The following PTPRD variants were observed in gnomAD, a reference collection of about 807,000 sequenced individuals.
PTPRD encodes receptor-type tyrosine-protein phosphatase delta.
A neutral mutation model predicts 214.5 loss-of-function variants in PTPRD; 34 were observed. That is an observed-to-expected ratio of 0.16 (90% CI 0.12 to 0.21). PTPRD has a LOEUF of 0.21. Among genes scored for constraint, PTPRD ranks in the 10% least tolerant of loss-of-function variants. The probability of loss-of-function intolerance (pLI) is 1.00; values close to 1 mark genes in which losing one functional copy is unlikely to be tolerated. For synonymous variants in PTPRD, 1,128 were observed against 845.7 expected (o/e 1.33, Z -5.79); for missense variants, 2,545 against 2,398.7 (o/e 1.06, Z -1.27).
intron 9 of PTPRD, among the ~76,000 whole-genome samples, chr9:9,339,337 T>A (rs375629169): frequency 7.2e-4 from 102 of 141,434 alleles, no homozygotes; most frequent in African/African-American, 2.7e-3. Context: ...AAAAAAAAAA[T>A]TAGCCAGGCA....
chr9:10,251,127 C>T (rs2092720940), intron 3 of PTPRD, among the ~76,000 whole-genome samples: 1 of 151,968 alleles, frequency 6.6e-6, no homozygotes, highest in Admixed American at 6.6e-5. Flanking sequence ...AACAGAAAAA[C>T]AAAACATCCT....
At chr9:9,488,042 T>G (rs1163224770) in intron 8 of PTPRD, among the ~76,000 whole-genome samples, 1 of 152,218 alleles carries the variant, frequency 6.6e-6, no homozygotes. Context: ...TAGACTTTCC[T>G]GGATTGTTAT....
rs553216652 is a variant in PTPRD, at chr9:10,324,656, T to C, written c.-545+16307A>G. ...CTATATTTCACCAAATGCAGCGCAT[T>C]TTCTGATAGAATCTGCTGTGATCTA... On this transcript the variant is annotated intron_variant, in intron 3 of 45. Coordinates refer to ENST00000381196, the MANE Select transcript of PTPRD (RefSeq NM_002839.4). Among the ~76,000 whole-genome samples, 6 of 152,132 alleles carry C rather than the reference T, an allele frequency of 3.9e-5. No individual in the cohort carries two copies. The East Asian group carries it at 1.2e-3, about 30-fold the overall frequency.
intron 10 of PTPRD, among the ~76,000 whole-genome samples, chr9:9,123,369 T>A (rs980962590): frequency 6.6e-6 from 1 of 152,150 alleles, no homozygotes; most frequent in African/African-American, 2.4e-5. Context: ...TTAGGCATGA[T>A]ATAAAAAGAG....
intron 9 of PTPRD, among the ~76,000 whole-genome samples, chr9:9,316,596 G>A (rs1963286939): frequency 6.6e-6 from 1 of 152,114 alleles, no homozygotes; most frequent in Non-Finnish European, 1.5e-5. Flanking sequence ...ATGGGCTTTT[G>A]TAGGGGAAGA....
At chr9:10,271,061 G>T (rs2094390855) in intron 3 of PTPRD, among the ~76,000 whole-genome samples, 1 of 152,042 alleles carries the variant, frequency 6.6e-6, no homozygotes, top group Admixed American at 6.6e-5. Flanking sequence ...CTGGCCTCAA[G>T]TGATCTTTTG....
rs114719195 is a variant in PTPRD, at chr9:10,487,367, C to T, written c.-600+125031G>A. Among the ~76,000 whole-genome samples the T allele has an allele frequency of 4.8e-3, 729 of 152,262 alleles. 9 individuals are homozygous for T. The highest frequency in any genetic ancestry group is 0.015 in the African/African-American group (636 of 41,556). ...TTTTCTGTTTGTTTTCTGATCTTCT[C>T]TTCCTTCTTTCTTCCCTTCCTGTCT... is the stretch of plus-strand genomic sequence containing the variant. On this transcript the variant is annotated intron_variant, in intron 2 of 45. Transcript: ENST00000381196.
intron 12 of PTPRD, among the ~76,000 whole-genome samples, chr9:8,707,585 C>G (rs985816747): frequency 6.6e-6 from 1 of 152,158 alleles, no homozygotes; most frequent in African/African-American, 2.4e-5. Context: ...AAGAAGCAGG[C>G]AGTTAGGGAG....
intron 12 of PTPRD, among the ~76,000 whole-genome samples, chr9:8,645,481 A>C (rs77963583): frequency 0.11 from 17,203 of 152,172 alleles, 1,025 homozygotes; most frequent in East Asian, 0.19. Context: ...ATTTCTATGC[A>C]TGTCTATACC....
intron 2 of PTPRD, among the ~76,000 whole-genome samples, chr9:10,427,482 A>G (rs945205191): frequency 1.3e-5 from 2 of 152,072 alleles, no homozygotes; most frequent in Non-Finnish European, 2.9e-5. Context: ...TCTTTAAACT[A>G]CTTAGTAAGC....
intron 2 of PTPRD, among the ~76,000 whole-genome samples, chr9:10,358,554 G>C (rs1257032136): frequency 2.6e-5 from 4 of 151,836 alleles, no homozygotes; most frequent in Non-Finnish European, 5.9e-5. Flanking sequence ...AAATTTGAAA[G>C]ATTTATGTCT....
intron 9 of PTPRD, among the ~76,000 whole-genome samples, chr9:9,329,944 C>G (rs1174606434): frequency 6.6e-6 from 1 of 152,152 alleles, no homozygotes; most frequent in Non-Finnish European, 1.5e-5. Flanking sequence ...AGCTGCTAAT[C>G]CCTGTCATGG....
At chr9:10,188,121 A>G (rs1187836333) in intron 3 of PTPRD, among the ~76,000 whole-genome samples, 1 of 152,196 alleles carries the variant, frequency 6.6e-6, no homozygotes, top group African/African-American at 2.4e-5. Context: ...ATTTCATGCT[A>G]AAGTCATTTC....
intron 7 of PTPRD, among the ~76,000 whole-genome samples, chr9:9,582,481 C>A (rs929727811): frequency 1.3e-5 from 2 of 152,006 alleles, no homozygotes; most frequent in Non-Finnish European, 2.9e-5. Context: ...GGCATGTTAT[C>A]TCAGACTTGG....
At chr9:8,847,710 C>G (rs928871739) in intron 11 of PTPRD, among the ~76,000 whole-genome samples, 2 of 151,436 alleles carry the variant, frequency 1.3e-5, no homozygotes, top group Non-Finnish European at 2.9e-5. Context: ...TCTCTGAGGA[C>G]TTACAGACAA....
chr9:9,147,925 C>G (rs926339113), intron 10 of PTPRD, among the ~76,000 whole-genome samples: 1 of 152,154 alleles, frequency 6.6e-6, no homozygotes, highest in Non-Finnish European at 1.5e-5. Context: ...GTGGACTCAG[C>G]AATTGGTGCT....
chr9:9,380,184 C>G (rs1408770243), intron 9 of PTPRD, among the ~76,000 whole-genome samples: 6 of 151,982 alleles, frequency 3.9e-5, no homozygotes, highest in Non-Finnish European at 7.4e-5. Flanking sequence ...CCCTATATCC[C>G]TAGTTTTACT....
At chr9:8,503,777 T>A (rs900148573) in intron 23 of PTPRD, among the ~76,000 whole-genome samples, 2 of 152,244 alleles carry the variant, frequency 1.3e-5, no homozygotes, top group Non-Finnish European at 2.9e-5. Context: ...AAACAAGTCA[T>A]CAGAGCTGAG....
At chr9:10,586,993 A>T (rs1361403869) in intron 2 of PTPRD, among the ~76,000 whole-genome samples, 1 of 152,024 alleles carries the variant, frequency 6.6e-6, no homozygotes. Context: ...AAGACAGGCT[A>T]TTTCACCATC....
Sources: gnomAD v4.1 joint callset for allele counts (sites outside exome capture counted in the v4.1 genomes callset) on GRCh38, gnomAD v4.1.1 for gene constraint, MANE v1.5 for transcripts, NCBI Gene and HGNC (gene_info 2026-07-23, HGNC 2026-07-21) for gene names.